MYRFL: variants seen among roughly 807,000 people sequenced by gnomAD.
MYRFL encodes the protein myelin regulatory factor like, also known as myelin regulatory factor-like protein.
A neutral mutation model predicts 109.4 loss-of-function variants in MYRFL; 88 were observed. The ratio of observed to expected loss-of-function variants is 0.80; its 90% CI spans 0.68 to 0.96. The LOEUF (loss-of-function observed/expected upper bound fraction) is 0.96. Ranked by LOEUF, MYRFL falls within the 40% of genes least tolerant of loss-of-function variation. The pLI is 0.00. For missense variants in MYRFL, 957 were observed against 954.9 expected (o/e 1.00, Z -0.03); for synonymous variants, 324 against 320.9 (o/e 1.01, Z -0.10).
chr12:69,852,136 T>C (rs1426175779), intron 1 of MYRFL, among the ~76,000 whole-genome samples: 2 of 152,228 alleles, frequency 1.3e-5, no homozygotes, highest in Non-Finnish European at 1.5e-5. Context: ...GTAGAGGTTA[T>C]GTATTACAAT....
intron 7 of MYRFL, 57 bp downstream of exon 7, chr12:69,891,223 T>C: frequency 8.0e-7 from 1 of 1,256,304 alleles, no homozygotes; most frequent in Non-Finnish European, 1.0e-6. Context: ...GTTTCAGTTG[T>C]CTATTGCTGC....
chr12:69,826,989 G>GAACTGA (rs1342488203), intron 1 of MYRFL, among the ~76,000 whole-genome samples: 3 of 152,044 alleles, frequency 2.0e-5, no homozygotes, highest in Admixed American at 6.6e-5. Context: ...GAAGGCAGCT[G>GAACTGA]AACTGAAGCT....
intron 13 of MYRFL, among the ~76,000 whole-genome samples, chr12:69,918,564 A>G (rs948346435): frequency 5.3e-5 from 8 of 152,200 alleles, no homozygotes; most frequent in African/African-American, 1.9e-4. Context: ...ATTGTTGCTC[A>G]GTTCTCATTC....
chr12:69,858,818 A>G (rs1375930309), intron 2 of MYRFL, among the ~76,000 whole-genome samples: 2 of 151,214 alleles, frequency 1.3e-5, no homozygotes, highest in African/African-American at 2.4e-5. Context: ...TTTCTCTATT[A>G]TGTTTGTTTT....
intron 1 of MYRFL, among the ~76,000 whole-genome samples, chr12:69,836,778 A>G (rs1433769303): frequency 2.0e-5 from 3 of 152,102 alleles, no homozygotes; most frequent in African/African-American, 7.2e-5. Context: ...ATCTGAAATA[A>G]CCTTTACTGG....
rs1346104277 is a variant in MYRFL, at chr12:69,853,160, G to A, written c.47-2120G>A. Among the ~76,000 whole-genome samples, 9 of 151,912 alleles carry A rather than the reference G, an allele frequency of 5.9e-5. No individual in the cohort carries two copies. The East Asian group carries it at 1.2e-3, about 20-fold the overall frequency. ...GGGCTCCTCACTTCCCAGACGGGGC[G>A]GCTAGGCAGAGGCGCCCCCCATCTC... On this transcript the variant is annotated intron_variant, in intron 1 of 24. Coordinates refer to ENST00000552032, the MANE Select transcript of MYRFL (RefSeq NM_182530.3).
Position 69,891,609 on chromosome 12 carries a change from T to TTCTTTCTTTC in MYRFL, c.903+445_903+454dup, listed in dbSNP as rs1566002046. ...TCTTTCTTTCTTTCTTTCTTTCTCT[T>TTCTTTCTTTC]TCTTTCTTTCTTTCCTCCTTCCTTT... On this transcript the variant is annotated intron_variant, in intron 7 of 24. Transcript: ENST00000552032. Among the ~76,000 whole-genome samples the TTCTTTCTTTC allele has an allele frequency of 1.2e-3, 126 of 105,702 alleles. 1 individual carries two copies. Among genetic ancestry groups the TTCTTTCTTTC allele is most frequent in the African/African-American group, 4.4e-3 (94 of 21,186 alleles). 69.3% of individuals were successfully genotyped at this position (105,702 alleles called of 152,430 possible).
chr12:69,879,951 T>G (rs1374658040), intron 4 of MYRFL, among the ~76,000 whole-genome samples: 1 of 152,198 alleles, frequency 6.6e-6, no homozygotes, highest in Non-Finnish European at 1.5e-5. Context: ...ATACCTATAT[T>G]TTAAGTCTGT....
chr12:69,940,673 A>T (rs1955614016), intron 19 of MYRFL, among the ~76,000 whole-genome samples: 1 of 151,944 alleles, frequency 6.6e-6, no homozygotes, highest in Non-Finnish European at 1.5e-5. Context: ...GATCAAATTC[A>T]TACATAACAC....
chr12:69,868,752 A>G (rs1423714230), intron 2 of MYRFL, among the ~76,000 whole-genome samples: 3 of 152,242 alleles, frequency 2.0e-5, no homozygotes, highest in African/African-American at 7.2e-5. Flanking sequence ...GGTGGTTACA[A>G]GCCCTAACTG....
intron 13 of MYRFL, among the ~76,000 whole-genome samples, chr12:69,919,274 T>C (rs57625917): frequency 6.4e-4 from 97 of 152,338 alleles, no homozygotes; most frequent in African/African-American, 2.3e-3. Flanking sequence ...CAACAAACTA[T>C]GGCATTTGCT....
chr12:69,861,909 T>G (rs1432874101), intron 2 of MYRFL, among the ~76,000 whole-genome samples: 161 of 152,026 alleles, frequency 1.1e-3, no homozygotes, highest in African/African-American at 3.7e-3. Flanking sequence ...TTAATCCATC[T>G]TGAATTAATT....
chr12:69,925,498 C>T (rs578002196), intron 13 of MYRFL, among the ~76,000 whole-genome samples: 2 of 152,314 alleles, frequency 1.3e-5, no homozygotes, highest in African/African-American at 4.8e-5. Flanking sequence ...TGCCCTTGAA[C>T]TCAGCCTTGG....
chr12:69,851,843 G>A (rs1036334341), intron 1 of MYRFL, among the ~76,000 whole-genome samples: 1 of 152,036 alleles, frequency 6.6e-6, no homozygotes. Flanking sequence ...GGAGTTTTTT[G>A]TAGACATGGG....
At chr12:69,875,855 A>G (rs1885632062) in intron 2 of MYRFL, among the ~76,000 whole-genome samples, 1 of 152,162 alleles carries the variant, frequency 6.6e-6, no homozygotes, top group Admixed American at 6.5e-5. Flanking sequence ...TTGCTGTTGT[A>G]GAGTAGTTTT....
intron 19 of MYRFL, among the ~76,000 whole-genome samples, chr12:69,938,886 G>T (rs1488501572): frequency 1.3e-5 from 2 of 152,170 alleles, no homozygotes; most frequent in African/African-American, 4.8e-5. Flanking sequence ...CCCGGGAAGC[G>T]CAGGGTTCAG....
At position 69,910,823 on chromosome 12, in the gene MYRFL, A is replaced by T. The variant is rs1247259802; in HGVS notation, c.1495A>T (p.Met499Leu). ...CCTGTGGAGTGTTTTGTATACAGGA[A>T]TGATTGCCCAGGAGGTGCAAGAAAT... ...MGINTAHQTG[M>L]IAQEVQEILP... is the part of the protein sequence containing the mutation. The change falls in exon 13 of 25, where the codon ATG (methionine) becomes TTG (leucine). Residue 499 changes from methionine (M) to leucine (L), a missense_variant and splice_region_variant. By Grantham distance (15) the Met-to-Leu change is conservative. Coordinates refer to ENST00000552032, the MANE Select transcript of MYRFL (RefSeq NM_182530.3). The T allele has an allele frequency of 4.6e-6, 7 of 1,532,742 alleles. No individual in the cohort carries two copies. Among genetic ancestry groups the T allele is most frequent in the Admixed American group, 2.0e-5 (1 of 50,928 alleles). The allele number at this position is 1,532,742 out of a possible 1,614,324, so 94.9% of individuals were successfully genotyped here.
intron 10 of MYRFL, among the ~76,000 whole-genome samples, chr12:69,899,230 G>T (rs551193790): frequency 1.6e-4 from 22 of 136,826 alleles, no homozygotes; most frequent in African/African-American, 5.8e-4. Context: ...CCCCCCACTA[G>T]AAATATCTTA....
chr12:69,832,851 A>G (rs1882713188), intron 1 of MYRFL, among the ~76,000 whole-genome samples: 1 of 152,016 alleles, frequency 6.6e-6, no homozygotes, highest in African/African-American at 2.4e-5. Context: ...AGGAAGACAG[A>G]GGAATCTGTT....
Sources: allele counts gnomAD v4.1 joint callset (sites outside exome capture counted in the v4.1 genomes callset), GRCh38; gene constraint gnomAD v4.1.1; transcripts MANE v1.5; gene names NCBI Gene and HGNC (gene_info 2026-07-23, HGNC 2026-07-21).